ZDHHC23: variants seen among roughly 807,000 people sequenced by gnomAD.
ZDHHC23 encodes the protein zDHHC palmitoyltransferase 23.
In ZDHHC23, 41 loss-of-function variants were observed where a neutral mutation model predicts 40.2. The observed-to-expected ratio is 1.02, with a 90% confidence interval of 0.79 to 1.32. The LOEUF (loss-of-function observed/expected upper bound fraction) is 1.32, where lower values mean the gene tolerates loss of function less well. Among genes scored for constraint, ZDHHC23 ranks in the 40% most tolerant of loss-of-function variants. The pLI is 0.00. For synonymous variants in ZDHHC23, 204 were observed against 210.2 expected (o/e 0.97, Z 0.26); for missense variants, 471 against 541.5 (o/e 0.87, Z 1.29).
downstream of ZDHHC23, among the ~76,000 whole-genome samples, chr3:113,963,728 G>GTGAGACCCTGTC (rs1423118740): frequency 1.3e-5 from 2 of 151,872 alleles, no homozygotes; most frequent in East Asian, 3.8e-4. Context: ...CAGTGACAGA[G>GTGAGACCCTGTC]TGAGACCCTG....
downstream of ZDHHC23, among the ~76,000 whole-genome samples, chr3:113,969,361 C>A (rs1244549911): frequency 6.6e-6 from 1 of 152,112 alleles, no homozygotes; most frequent in Non-Finnish European, 1.5e-5. Flanking sequence ...GATGTAATCC[C>A]AGTTGTCTAT....
the ZDHHC23 span, among the ~76,000 whole-genome samples, chr3:113,975,776 CATT>C: frequency 3.9e-5 from 6 of 152,090 alleles, no homozygotes; most frequent in Admixed American, 1.3e-4. Flanking sequence ...GTCTAAGAAA[CATT>C]ATAGGAGGCC....
At chr3:113,957,139 C>T (rs1338196630) in intron 4 of ZDHHC23, among the ~76,000 whole-genome samples, 2 of 152,304 alleles carry the variant, frequency 1.3e-5, no homozygotes, top group African/African-American at 2.4e-5. Flanking sequence ...TCTTCCGCTT[C>T]GGCCTCAGCG....
At chr3:113,979,171 CCTATT>C in the ZDHHC23 span, among the ~76,000 whole-genome samples, 1 of 152,156 alleles carries the variant, frequency 6.6e-6, no homozygotes, top group African/African-American at 2.4e-5. Context: ...TGACTGTTGA[CCTATT>C]CTATGGAGGT....
chr3:113,953,532 A>T (rs1475449556), intron 2 of ZDHHC23, among the ~76,000 whole-genome samples, 168 bp from the exon 3 acceptor site: 1 of 152,220 alleles, frequency 6.6e-6, no homozygotes, highest in Non-Finnish European at 1.5e-5. Context: ...TTCCTATTTT[A>T]AAAAATGACA....
chr3:113,959,116 T>A lies in ZDHHC23; in HGVS notation c.*486T>A, dbSNP rs1415520781. 1.0e-6 allele frequency: 1 copy of A among 970,782 alleles called. No homozygotes were observed. The highest frequency in any genetic ancestry group is 1.3e-6 in the Non-Finnish European group (1 of 780,830). The allele number at this position is 970,782 out of a possible 1,614,324, so 60.1% of individuals were successfully genotyped here. A position where few individuals can be genotyped will look rare whatever the true frequency, so the allele number is the denominator to read the frequency against. ...TGAGGGTCACGTGAGGGAAGATGGA[T>A]GTGGAAAGCACTAAAAAACAACTCA... On this transcript the variant is annotated 3_prime_UTR_variant, in exon 5 of 5. Coordinates refer to ENST00000638807, the MANE Select transcript of ZDHHC23 (RefSeq NM_001320466.2).
chr3:113,960,884 T>TG lies in ZDHHC23; in HGVS notation c.*2257dup, dbSNP rs1409226516. The TG allele has an allele frequency of 2.2e-4, 274 of 1,257,968 alleles. 1 individual carries two copies. Among genetic ancestry groups the TG allele is most frequent in the Non-Finnish European group, 3.3e-5 (31 of 948,182 alleles). The allele number at this position is 1,257,968 out of a possible 1,614,324, so 77.9% of individuals were successfully genotyped here. A position where few individuals can be genotyped will look rare whatever the true frequency, so the allele number is the denominator to read the frequency against. On this transcript the variant is annotated 3_prime_UTR_variant, in exon 5 of 5. Coordinates refer to ENST00000638807, the MANE Select transcript of ZDHHC23 (RefSeq NM_001320466.2). ...CTGTCAAAAGATGAGTGATCTTGTG[T>TG]GGGAAAAGCCTTCCCAGGCGTCTGT...
At chr3:113,970,350 C>T (rs1262258877), downstream of ZDHHC23, among the ~76,000 whole-genome samples, 1 of 151,892 alleles carries the variant, frequency 6.6e-6, no homozygotes, top group African/African-American at 2.4e-5. Flanking sequence ...TTTTTAAAGA[C>T]AGGGTTTCTC....
chr3:113,964,181 T>C (rs1286698767), downstream of ZDHHC23: 1 of 152,208 alleles, frequency 6.6e-6, no homozygotes, highest in Non-Finnish European at 1.5e-5. Context: ...ACTCAAATTT[T>C]CAGCACACCA....
the ZDHHC23 span, among the ~76,000 whole-genome samples, chr3:113,975,022 G>A: frequency 6.6e-6 from 1 of 152,116 alleles, no homozygotes; most frequent in Non-Finnish European, 1.5e-5. Context: ...CAAGGTAAGG[G>A]TTCTTAAGCT....
the ZDHHC23 span, chr3:113,978,424 A>T: frequency 7.7e-7 from 1 of 1,302,708 alleles, no homozygotes; most frequent in Non-Finnish European, 1.1e-6. Context: ...GAAATGAAAC[A>T]AAAGAAACAA....
In ZDHHC23 at chr3:113,960,737, AACTCCG is replaced by A. The variant is rs1342957287; in HGVS notation, c.*2108_*2113del. The stretch of plus-strand genomic sequence containing the variant: ...TCTAATAGGGTTACTTGGATGAGCC[AACTCCG>A]CTTCCTTCCCATGGATAGGAAGGGA... On this transcript the variant is annotated 3_prime_UTR_variant, in exon 5 of 5. Transcript: ENST00000638807. 2.0e-5 allele frequency: 32 copies of A among 1,577,140 alleles called. No individual in the cohort carries two copies. The highest frequency in any genetic ancestry group is 2.7e-5 in the Non-Finnish European group (32 of 1,166,992).
chr3:113,955,227 A>C (rs1298971991), intron 3 of ZDHHC23, among the ~76,000 whole-genome samples: 1 of 152,186 alleles, frequency 6.6e-6, no homozygotes, highest in Non-Finnish European at 1.5e-5. Context: ...GGTGCAGAAA[A>C]GGCTGAGAGG....
chr3:113,979,186 T>G, the ZDHHC23 span, among the ~76,000 whole-genome samples: 1 of 152,178 alleles, frequency 6.6e-6, no homozygotes, highest in East Asian at 1.9e-4. Flanking sequence ...TCTATGGAGG[T>G]TATAGATTCA....
In ZDHHC23 at chr3:113,948,099, A is replaced by C. The variant is rs1938256909; in HGVS notation, c.-209A>C. 6.6e-6 allele frequency: 1 copy of C among 151,960 alleles called. No individual in the cohort carries two copies. The highest frequency in any genetic ancestry group is 6.5e-5 in the Admixed American group (1 of 15,278). The allele number at this position is 151,960 out of a possible 1,614,324, so 9.4% of individuals were successfully genotyped here. On this transcript the variant is annotated 5_prime_UTR_variant, in exon 1 of 5. Transcript: ENST00000638807. ...CGTCACGCCCGGGGCTCCGCGTAGC[A>C]GAGATCGGGAGACGCGTCTGTGCCT...
rs1398522501 is a variant in ZDHHC23 at position 113,954,384 on chromosome 3, G to A, written c.846G>A (p.Val282=). Residue 282 remains valine (V), a synonymous_variant, in exon 3 of 5, where the codon GTG becomes GTA. Coordinates refer to ENST00000638807, the MANE Select transcript of ZDHHC23 (RefSeq NM_001320466.2). ...ACTGCCGGATATGTGGCATCTGTGT[G>A]AGGAGAATGGATCATCATTGTGTCT... ...AWHCRICGIC[V]RRMDHHCVWI... is the part of the protein sequence containing the mutation. 1.2e-6 allele frequency: 2 copies of A among 1,601,998 alleles called. No homozygotes were observed. The highest frequency in any genetic ancestry group is 1.7e-6 in the Non-Finnish European group (2 of 1,173,832).
chr3:113,976,330 G>A, the ZDHHC23 span, among the ~76,000 whole-genome samples: 1 of 151,688 alleles, frequency 6.6e-6, no homozygotes, highest in African/African-American at 2.4e-5. Context: ...GAAAAATGGG[G>A]AGGAAGACTG....
Position 113,954,062 on chromosome 3 carries a change from C to T in ZDHHC23, c.524C>T (p.Thr175Ile). 6.2e-7 allele frequency: 1 copy of T among 1,614,122 alleles called. No individual in the cohort carries two copies. ...RVGPVQLAVLTCGLFLILLAL... is the reference protein window; with the variant it reads ...RVGPVQLAVLICGLFLILLAL... ...GGTCCCGTTCAGCTGGCGGTTCTTA[C>T]CTGCGGGTTATTTCTGATACTCTTA... is the stretch of plus-strand genomic sequence containing the variant. The change falls in exon 3 of 5, where the codon ACC becomes ATC. Residue 175 changes from threonine (T) to isoleucine (I), a missense_variant. Physicochemically the swap from Thr to Ile is moderately conservative, Grantham distance 89 (BLOSUM62 -1). Coordinates refer to ENST00000638807, the MANE Select transcript of ZDHHC23 (RefSeq NM_001320466.2).
In ZDHHC23 at chr3:113,961,352, G is replaced by A. The variant is rs1939665213; in HGVS notation, c.*2722G>A. Reference sequence around the variant, plus strand: ...CACCACTGTGGACTGTTCCTGGGGGGAGAAGAACAGACCGATTTGAAAGAT... The same window carrying A: ...CACCACTGTGGACTGTTCCTGGGGGAAGAAGAACAGACCGATTTGAAAGAT... On this transcript the variant is annotated 3_prime_UTR_variant, in exon 5 of 5. Transcript: ENST00000638807. 1 of 152,320 alleles carries A rather than the reference G, an allele frequency of 6.6e-6. No homozygotes were observed. Among genetic ancestry groups the A allele is most frequent in the African/African-American group, 2.4e-5 (1 of 41,422 alleles). 9.4% of individuals were successfully genotyped at this position (152,320 alleles called of 1,614,324 possible). A position where few individuals can be genotyped will look rare whatever the true frequency, so the allele number is the denominator to read the frequency against.
Sources: gnomAD v4.1 joint callset for allele counts (sites outside exome capture counted in the v4.1 genomes callset) on GRCh38, gnomAD v4.1.1 for gene constraint, MANE v1.5 for transcripts, NCBI Gene and HGNC (gene_info 2026-07-23, HGNC 2026-07-21) for gene names.